The following ALDH9A1 variants were observed in gnomAD, a reference collection of about 807,000 sequenced individuals.
ALDH9A1 encodes 4-trimethylaminobutyraldehyde dehydrogenase.
A neutral mutation model predicts 56.6 loss-of-function variants in ALDH9A1; 42 were observed. The observed-to-expected ratio is 0.74, with a 90% confidence interval of 0.58 to 0.96. The LOEUF is 0.96. Among genes scored for constraint, ALDH9A1 ranks in the 40% least tolerant of loss-of-function variants. ALDH9A1 has a pLI of 0.00. For synonymous variants in ALDH9A1, 242 were observed against 236.0 expected (o/e 1.03, Z -0.23); for missense variants, 661 against 651.5 (o/e 1.01, Z -0.16).
intron 6 of ALDH9A1, 134 bp downstream of exon 6, chr1:165,679,308 A>G: frequency 2.1e-6 from 2 of 961,776 alleles, no homozygotes; most frequent in East Asian, 2.6e-5. Flanking sequence ...TCAAAGGTAC[A>G]TGGGAATTCT....
chr1:165,681,934 G>T (rs971639565), intron 4 of ALDH9A1, among the ~76,000 whole-genome samples, 173 bp downstream of exon 4: 3 of 152,152 alleles, frequency 2.0e-5, no homozygotes, highest in Non-Finnish European at 4.4e-5. Flanking sequence ...AGCTCCTTGA[G>T]GGGCAAGACA....
chr1:165,685,820 A>G (rs1649692485), intron 2 of ALDH9A1, among the ~76,000 whole-genome samples: 1 of 152,210 alleles, frequency 6.6e-6, no homozygotes, highest in Non-Finnish European at 1.5e-5. Context: ...ACTGTACAAG[A>G]CAAACCAACC....
At chr1:165,678,522 G>A (rs1014758766) in intron 6 of ALDH9A1, among the ~76,000 whole-genome samples, 3 of 151,974 alleles carry the variant, frequency 2.0e-5, no homozygotes, top group Non-Finnish European at 2.9e-5. Flanking sequence ...AAGAAATGAT[G>A]GAATTGGAAA....
chr1:165,679,458 A>T lies in ALDH9A1; in HGVS notation c.914T>A (p.Phe305Tyr). The change falls in exon 6 of 11, where the codon TTC becomes TAC. Residue 305 changes from phenylalanine to tyrosine, a missense_variant. Transcript: ENST00000354775. ...GGTACATACCTGGCCTTGTGTGAGG[A>T]AGTTGGCCATCAGCGCCCCCTTTAC... ...NAVKGALMAN[F>Y]LTQGQVCCNG... is the part of the protein sequence containing the mutation. The T allele has an allele frequency of 6.2e-7, 1 of 1,614,126 alleles. No homozygotes were observed. Among genetic ancestry groups the T allele is most frequent in the Non-Finnish European group, 8.5e-7 (1 of 1,180,006 alleles).
In ALDH9A1 at chr1:165,672,812, C is replaced by G. The variant is rs569214357; in HGVS notation, c.931-3362G>C. Among the ~76,000 whole-genome samples the G allele has an allele frequency of 3.3e-5, 5 of 151,964 alleles. No homozygotes were observed. The East Asian group carries it at 9.7e-4, about 29-fold the overall frequency. On this transcript the variant is annotated intron_variant, in intron 6 of 10. Transcript: ENST00000354775. ...ATTAGCCAGGCATGGTGCCACATGC[C>G]TATAGTCCCAGCTACCCAGGAGGCT... is the stretch of plus-strand genomic sequence containing the variant.
intron 6 of ALDH9A1, among the ~76,000 whole-genome samples, chr1:165,678,552 T>C (rs1186480918): frequency 6.6e-6 from 1 of 152,136 alleles, no homozygotes; most frequent in East Asian, 1.9e-4. Context: ...TGCAACCCCA[T>C]AATAAAAATT....
intron 4 of ALDH9A1, among the ~76,000 whole-genome samples, chr1:165,681,498 G>A (rs1227775270): frequency 6.6e-6 from 1 of 152,132 alleles, no homozygotes; most frequent in Non-Finnish European, 1.5e-5. Flanking sequence ...AACATGCAAT[G>A]GCAACAGGAC....
intron 1 of ALDH9A1, among the ~76,000 whole-genome samples, chr1:165,697,186 C>A (rs2101762197): frequency 6.6e-6 from 1 of 152,358 alleles, no homozygotes; most frequent in Non-Finnish European, 1.5e-5. Flanking sequence ...CAGTGCCTAG[C>A]ACAGTGCTTA....
intron 1 of ALDH9A1, 76 bp downstream of exon 1, chr1:165,698,302 A>C (rs1474602558): frequency 1.3e-6 from 2 of 1,524,232 alleles, no homozygotes; most frequent in Admixed American, 2.3e-5. Context: ...TGCAGAACAC[A>C]GGAAACGGGG....
intron 2 of ALDH9A1, among the ~76,000 whole-genome samples, chr1:165,692,009 AT>A (rs1373172590): frequency 6.6e-6 from 1 of 152,228 alleles, no homozygotes; most frequent in African/African-American, 2.4e-5. Context: ...CCTTCGACAA[AT>A]TTCAACAGCC....
Position 165,664,877 on chromosome 1 carries a change from G to A in ALDH9A1, c.1462+141C>T, listed in dbSNP as rs545320023. The stretch of plus-strand genomic sequence containing the variant: ...TTCCATTCCCAGAGACTGCTACAGT[G>A]GATCTGGGGAAGGACCAGGAACCTG... On this transcript the variant is annotated intron_variant, in intron 10 of 10. Transcript: ENST00000354775. 3.0e-5 allele frequency: 19 copies of A among 640,484 alleles called. 1 individual carries two copies. The South Asian group carries it at 3.6e-4, about 12-fold the overall frequency. The allele number at this position is 640,484 out of a possible 1,614,324, so 39.7% of individuals were successfully genotyped here.
Position 165,680,534 on chromosome 1 carries a change from C to T in ALDH9A1, c.742G>A (p.Asp248Asn), listed in dbSNP as rs147829872. The change falls in exon 5 of 11, where the codon GAT becomes AAT. Residue 248 changes from aspartate to asparagine, a missense_variant. Coordinates refer to ENST00000354775, the MANE Select transcript of ALDH9A1 (RefSeq NM_000696.4). ...CCAGTGAAGGAGACTTTGGCCACAT[C>T]GGGATGCTGACACAGAAACTGGCCT... is the stretch of plus-strand genomic sequence containing the variant. ...ATGQFLCQHP[D>N]VAKVSFTGSV... 5.0e-5 allele frequency: 80 copies of T among 1,614,026 alleles called. No individual in the cohort carries two copies. Among genetic ancestry groups the T allele is most frequent in the Admixed American group, 2.0e-4 (12 of 60,000 alleles).
At chr1:165,694,962 A>T (rs1046273091) in intron 2 of ALDH9A1, among the ~76,000 whole-genome samples, 32 of 151,360 alleles carry the variant, frequency 2.1e-4, no homozygotes, top group Non-Finnish European at 3.8e-4. Flanking sequence ...TCTCAAAAAA[A>T]AAAAAAAATA....
intron 4 of ALDH9A1, among the ~76,000 whole-genome samples, chr1:165,680,908 C>T (rs1649530768): frequency 6.6e-6 from 1 of 152,186 alleles, no homozygotes; most frequent in South Asian, 2.1e-4. Context: ...TTTACAGTTC[C>T]ACATGGCTAG....
intron 3 of ALDH9A1, 132 bp downstream of exon 3, chr1:165,682,849 C>T (rs1388471561): frequency 9.9e-6 from 10 of 1,010,232 alleles, no homozygotes; most frequent in South Asian, 1.8e-5. Context: ...TCCCAGGCCA[C>T]CCAGGTAGAA....
At chr1:165,678,242 G>A (rs1198162981) in intron 6 of ALDH9A1, among the ~76,000 whole-genome samples, 1 of 150,840 alleles carries the variant, frequency 6.6e-6, no homozygotes, top group Non-Finnish European at 1.5e-5. Flanking sequence ...GCTGAGGCGG[G>A]GGAATCGCTT....
Position 165,680,509 on chromosome 1 carries a change from C to G in ALDH9A1, c.767G>C (p.Gly256Ala), listed in dbSNP as rs747163146. The change falls in exon 5 of 11, where the codon GGA becomes GCA. Residue 256 changes from glycine to alanine, a missense_variant. Physicochemically the swap from Gly to Ala is moderately conservative, Grantham distance 60. Transcript: ENST00000354775. ...HPDVAKVSFT[G>A]SVPTGMKIME... ...CACCTTCATGCCAGTGGGCACACTT[C>G]CAGTGAAGGAGACTTTGGCCACATC... 7 of 1,614,088 alleles carry G rather than the reference C, an allele frequency of 4.3e-6. No homozygotes were observed. The highest frequency in any genetic ancestry group is 5.9e-6 in the Non-Finnish European group (7 of 1,179,990).
intron 8 of ALDH9A1, among the ~76,000 whole-genome samples, chr1:165,668,355 C>G (rs1008992581): frequency 3.9e-5 from 6 of 152,136 alleles, no homozygotes; most frequent in Admixed American, 1.3e-4. Context: ...TGAGTTCACA[C>G]AGAGCTGGCT....
intron 2 of ALDH9A1, among the ~76,000 whole-genome samples, chr1:165,687,009 T>C (rs1232083944): frequency 6.6e-6 from 1 of 151,990 alleles, no homozygotes; most frequent in Non-Finnish European, 1.5e-5. Flanking sequence ...AGAACACATA[T>C]ATAAAAGACC....
Sources: gnomAD v4.1 joint callset for allele counts (sites outside exome capture counted in the v4.1 genomes callset) on GRCh38, gnomAD v4.1.1 for gene constraint, MANE v1.5 for transcripts, NCBI Gene and HGNC (gene_info 2026-07-23, HGNC 2026-07-21) for gene names.